The following MDGA2 variants were observed in gnomAD, a reference collection of about 807,000 sequenced individuals.
MDGA2 encodes the protein MAM domain containing glycosylphosphatidylinositol anchor 2.
Under a neutral mutation model 117.8 loss-of-function variants are expected in MDGA2, and 40 were observed. The ratio of observed to expected loss-of-function variants is 0.34; its 90% CI spans 0.26 to 0.44. The LOEUF (loss-of-function observed/expected upper bound fraction) is 0.44. Among genes scored for constraint, MDGA2 ranks in the 20% least tolerant of loss-of-function variants. MDGA2 has a pLI of 1.00. For synonymous variants in MDGA2, 452 were observed against 439.0 expected, an observed-to-expected ratio of 1.03 and a Z score of -0.37; for missense variants, 1,123 against 1,250.6, an observed-to-expected ratio of 0.90 and a Z score of 1.54.
chr14:47,283,086 T>A (rs776751321), intron 2 of MDGA2, among the ~76,000 whole-genome samples: 1 of 152,260 alleles, frequency 6.6e-6, no homozygotes, highest in Non-Finnish European at 1.5e-5. Flanking sequence ...ATTATGCTTA[T>A]GGCTATTAAT....
At chr14:47,648,718 C>T (rs1196130578) in intron 1 of MDGA2, among the ~76,000 whole-genome samples, 1 of 150,252 alleles carries the variant, frequency 6.7e-6, no homozygotes. Context: ...ATAAAATCAC[C>T]CAATGTTCTC....
intron 1 of MDGA2, among the ~76,000 whole-genome samples, chr14:47,332,182 C>T (rs919149832): frequency 1.3e-5 from 2 of 151,986 alleles, no homozygotes; most frequent in Non-Finnish European, 2.9e-5. Context: ...ACAAGGTGAT[C>T]ATATTCATTG....
chr14:47,546,351 G>A lies in MDGA2; in HGVS notation c.280+128166C>T, dbSNP rs1349561844. 2.6e-5 allele frequency among the ~76,000 whole-genome samples: 4 copies of A among 152,242 alleles called. No individual in the cohort carries two copies. In the East Asian group the frequency reaches 7.7e-4, roughly 29 times the overall value. On this transcript the variant is annotated intron_variant, in intron 1 of 16. Transcript: ENST00000399232. ...GCTGGAAAACACTCAAGGGGGTCAGGTGGTTGCTCTGGGGAAAGATTAGAA... is the reference window on the plus strand; with the variant it reads ...GCTGGAAAACACTCAAGGGGGTCAGATGGTTGCTCTGGGGAAAGATTAGAA...
chr14:47,496,430 A>C (rs574296402), intron 1 of MDGA2, among the ~76,000 whole-genome samples: 9 of 152,080 alleles, frequency 5.9e-5, no homozygotes, highest in African/African-American at 1.9e-4. Flanking sequence ...TTTTTGTAGA[A>C]ATGGGGTCAG....
intron 6 of MDGA2, among the ~76,000 whole-genome samples, chr14:47,077,749 G>GT (rs937058211): frequency 1.8e-4 from 28 of 151,894 alleles, no homozygotes; most frequent in African/African-American, 6.8e-4. Flanking sequence ...TTTTACAATG[G>GT]TAAGTCATAT....
At position 47,309,710 on chromosome 14, in the gene MDGA2, A is replaced by G. The variant is rs188033159; in HGVS notation, c.281-8160T>C. Reference sequence around the variant, plus strand: ...TGTTAACCAAGAATTTAAAGAAAAAACTTTAAACATTTAATTTAAGTTAAA... The same window carrying G: ...TGTTAACCAAGAATTTAAAGAAAAAGCTTTAAACATTTAATTTAAGTTAAA... On this transcript the variant is annotated intron_variant, in intron 1 of 16. Transcript: ENST00000399232. Among the ~76,000 whole-genome samples, 42 of 152,182 alleles carry G rather than the reference A, an allele frequency of 2.8e-4. No homozygotes were observed. In the East Asian group the frequency reaches 5.0e-3, roughly 18 times the overall value.
chr14:47,312,310 T>A (rs1263964553), intron 1 of MDGA2, among the ~76,000 whole-genome samples: 1 of 152,096 alleles, frequency 6.6e-6, no homozygotes, highest in Non-Finnish European at 1.5e-5. Context: ...ATCTTCCAGA[T>A]TACCTGTAAC....
chr14:46,961,922 G>A (rs773747057), intron 8 of MDGA2, among the ~76,000 whole-genome samples: 47 of 152,230 alleles, frequency 3.1e-4, no homozygotes, highest in Non-Finnish European at 5.6e-4. Flanking sequence ...GATTACAGGC[G>A]TGAGCCACCG....
At chr14:46,909,248 T>C (rs1488350773) in intron 10 of MDGA2, among the ~76,000 whole-genome samples, 3 of 152,220 alleles carry the variant, frequency 2.0e-5, no homozygotes, top group African/African-American at 4.8e-5. Flanking sequence ...TTTGAGGTTA[T>C]ATTTTTAGAA....
intron 1 of MDGA2, among the ~76,000 whole-genome samples, chr14:47,514,869 A>G (rs1370532503): frequency 1.3e-5 from 2 of 151,560 alleles, no homozygotes; most frequent in Non-Finnish European, 2.9e-5. Context: ...CTTCTTTCCC[A>G]CCTCTCTAGA....
At chr14:47,505,984 A>G (rs1594891108) in intron 1 of MDGA2, among the ~76,000 whole-genome samples, 1 of 152,200 alleles carries the variant, frequency 6.6e-6, no homozygotes, top group Non-Finnish European at 1.5e-5. Flanking sequence ...CACAGGTCCT[A>G]TTCTCTGTGG....
chr14:47,202,015 A>C (rs371869193), intron 3 of MDGA2, among the ~76,000 whole-genome samples: 7 of 152,346 alleles, frequency 4.6e-5, no homozygotes, highest in African/African-American at 1.7e-4. Flanking sequence ...TTTAATATAC[A>C]TGAAGTCTTT....
At chr14:47,131,114 T>C (rs1257622735) in intron 5 of MDGA2, among the ~76,000 whole-genome samples, 1 of 151,994 alleles carries the variant, frequency 6.6e-6, no homozygotes, top group Admixed American at 6.6e-5. Context: ...TTATGCACAT[T>C]CATACAAAAT....
At chr14:47,526,554 C>T (rs756026116) in intron 1 of MDGA2, among the ~76,000 whole-genome samples, 3 of 152,128 alleles carry the variant, frequency 2.0e-5, no homozygotes, top group Non-Finnish European at 2.9e-5. Context: ...GACGACTGGA[C>T]GGTGATATCT....
At position 47,585,771 on chromosome 14, in the gene MDGA2, A is replaced by G. The variant is rs1896313493; in HGVS notation, c.280+88746T>C. 5.3e-5 allele frequency among the ~76,000 whole-genome samples: 8 copies of G among 151,782 alleles called. No individual in the cohort carries two copies. In the South Asian group the frequency reaches 1.7e-3, roughly 32 times the overall value. ...TCATCCTTCCCTTATACATAAATATATTTTCCTAATATTCCTATGTACATT... is the reference window on the plus strand; with the variant it reads ...TCATCCTTCCCTTATACATAAATATGTTTTCCTAATATTCCTATGTACATT... On this transcript the variant is annotated intron_variant, in intron 1 of 16. Transcript: ENST00000399232.
chr14:46,946,524 G>C (rs998964007), intron 9 of MDGA2, among the ~76,000 whole-genome samples: 9 of 152,054 alleles, frequency 5.9e-5, no homozygotes, highest in African/African-American at 2.2e-4. Flanking sequence ...GCAGGAATAA[G>C]TGCTTGTTAA....
At chr14:47,500,872 C>T (rs1457927012) in intron 1 of MDGA2, among the ~76,000 whole-genome samples, 4 of 151,962 alleles carry the variant, frequency 2.6e-5, no homozygotes, top group Admixed American at 6.6e-5. Flanking sequence ...GAGAGTTCTT[C>T]TCTATTAAAG....
Position 47,282,804 on chromosome 14 carries a change from T to C in MDGA2, c.420+18607A>G, listed in dbSNP as rs528365778. On this transcript the variant is annotated intron_variant, in intron 2 of 16. Transcript: ENST00000399232. ...ATGTGAATATTAAGAATGGACTAGC[T>C]GGGTGTGGTGGCTTGTGCCTGTAAT... Among the ~76,000 whole-genome samples the C allele has an allele frequency of 7.9e-5, 12 of 150,976 alleles. No individual in the cohort carries two copies. In the East Asian group the frequency reaches 2.4e-3, roughly 30 times the overall value.
intron 10 of MDGA2, 58 bp from the exon 11 acceptor site, chr14:46,882,279 A>G (rs1882491195): frequency 1.4e-6 from 2 of 1,436,482 alleles, no homozygotes; most frequent in Non-Finnish European, 1.9e-6. Flanking sequence ...AGGTACTAAG[A>G]AAATTGAAAA....
Sources: gnomAD v4.1 joint callset for allele counts (sites outside exome capture counted in the v4.1 genomes callset) on GRCh38, gnomAD v4.1.1 for gene constraint, MANE v1.5 for transcripts, NCBI Gene and HGNC (gene_info 2026-07-23, HGNC 2026-07-21) for gene names.